Variants in KDM4C observed in about 807,000 individuals in gnomAD.
KDM4C encodes lysine demethylase 4C.
Under a neutral mutation model 129.3 loss-of-function variants are expected in KDM4C, and 81 were observed. That is an observed-to-expected ratio of 0.63 (90% CI 0.52 to 0.75). The LOEUF (loss-of-function observed/expected upper bound fraction) is 0.75. Ranked by LOEUF, KDM4C falls within the 30% of genes least tolerant of loss-of-function variation. The pLI is 0.00. For missense variants in KDM4C, 1,457 were observed against 1,304.0 expected (o/e 1.12, Z -1.81); for synonymous variants, 573 against 456.1 (o/e 1.26, Z -3.26).
intron 6 of KDM4C, among the ~76,000 whole-genome samples, chr9:6,883,143 C>G (rs1320357592): frequency 6.6e-6 from 1 of 152,158 alleles, no homozygotes; most frequent in Admixed American, 6.5e-5. Flanking sequence ...TTAACCTGCT[C>G]TCATACCTCT....
intron 8 of KDM4C, among the ~76,000 whole-genome samples, chr9:6,960,347 A>G (rs993247925): frequency 1.1e-4 from 17 of 149,298 alleles, no homozygotes; most frequent in Admixed American, 7.4e-4. Context: ...TGGCATAATC[A>G]TAGCTCACTG....
chr9:6,792,640 G>A (rs1243014512), intron 1 of KDM4C, among the ~76,000 whole-genome samples: 1 of 152,038 alleles, frequency 6.6e-6, no homozygotes, highest in Non-Finnish European at 1.5e-5. Flanking sequence ...GCCCGTCTTG[G>A]CCCCCCAAAG....
intron 19 of KDM4C, among the ~76,000 whole-genome samples, chr9:7,160,335 A>C (rs1843651953): frequency 2.6e-5 from 4 of 151,952 alleles, no homozygotes; most frequent in Admixed American, 6.5e-5. Flanking sequence ...TATTCTGTCA[A>C]CTCGTCAAAG....
intron 7 of KDM4C, among the ~76,000 whole-genome samples, chr9:6,889,158 G>A (rs1053556593): frequency 6.9e-6 from 1 of 144,990 alleles, no homozygotes; most frequent in African/African-American, 2.6e-5. Flanking sequence ...CTTTTTGCTT[G>A]TGACTAAATC....
chr9:6,995,677 A>T (rs900414234), intron 12 of KDM4C, among the ~76,000 whole-genome samples: 10 of 147,950 alleles, frequency 6.8e-5, no homozygotes, highest in Non-Finnish European at 1.2e-4. Context: ...CAGGTTTTAA[A>T]TTTTTTTTTT....
intron 4 of KDM4C, chr9:6,834,779 C>T (rs914669374): frequency 2.4e-6 from 3 of 1,260,494 alleles, no homozygotes; most frequent in East Asian, 4.6e-5. Flanking sequence ...GACCGAGGCC[C>T]CCCTGAACCC....
At chr9:7,007,042 C>T (rs959537560) in intron 12 of KDM4C, among the ~76,000 whole-genome samples, 5 of 152,204 alleles carry the variant, frequency 3.3e-5, no homozygotes, top group African/African-American at 1.2e-4. Flanking sequence ...TTCTTCAGTA[C>T]ATTGATCCAA....
intron 20 of KDM4C, among the ~76,000 whole-genome samples, chr9:7,165,822 A>G (rs1476059256): frequency 6.6e-6 from 1 of 152,214 alleles, no homozygotes; most frequent in Non-Finnish European, 1.5e-5. Context: ...AGATGTGGCC[A>G]GTTAATGTCA....
At chr9:7,069,762 A>G (rs1279313157) in intron 17 of KDM4C, among the ~76,000 whole-genome samples, 1 of 152,198 alleles carries the variant, frequency 6.6e-6, no homozygotes, top group Non-Finnish European at 1.5e-5. Flanking sequence ...CTAAATGGGT[A>G]AAGGGAAGGT....
intron 5 of KDM4C, among the ~76,000 whole-genome samples, chr9:6,866,919 A>ATATG (rs1166107384): frequency 1.4e-5 from 2 of 147,186 alleles, no homozygotes; most frequent in Non-Finnish European, 3.0e-5. Flanking sequence ...ATATATATAT[A>ATATG]TATAGAAAAA....
intron 21 of KDM4C, 24 bp from the exon 22 acceptor site, chr9:7,174,529 C>A (rs1325460789): frequency 6.2e-7 from 1 of 1,610,890 alleles, no homozygotes. Flanking sequence ...TGCCCTTTTG[C>A]AATATAACAC....
At chr9:7,067,192 G>A (rs1201135969) in intron 17 of KDM4C, among the ~76,000 whole-genome samples, 1 of 152,180 alleles carries the variant, frequency 6.6e-6, no homozygotes, top group African/African-American at 2.4e-5. Flanking sequence ...CTTAGTGATA[G>A]CCTTTGAACT....
intron 17 of KDM4C, among the ~76,000 whole-genome samples, chr9:7,085,298 AC>A (rs1834984127): frequency 6.6e-6 from 1 of 152,200 alleles, no homozygotes; most frequent in Non-Finnish European, 1.5e-5. Context: ...CATCTCTAAA[AC>A]AAATGATTTT....
At chr9:7,056,453 G>A (rs1384776697) in intron 17 of KDM4C, among the ~76,000 whole-genome samples, 1 of 152,106 alleles carries the variant, frequency 6.6e-6, no homozygotes, top group Non-Finnish European at 1.5e-5. Flanking sequence ...GTATATTGCT[G>A]TAATACCAAA....
At chr9:6,998,548 C>T (rs1417422320) in intron 12 of KDM4C, among the ~76,000 whole-genome samples, 1 of 152,172 alleles carries the variant, frequency 6.6e-6, no homozygotes, top group Non-Finnish European at 1.5e-5. Context: ...GTAATCCCAG[C>T]ACTTTGGGAG....
At chr9:6,904,166 G>A (rs1817887304) in intron 8 of KDM4C, among the ~76,000 whole-genome samples, 1 of 152,040 alleles carries the variant, frequency 6.6e-6, no homozygotes, top group African/African-American at 2.4e-5. Context: ...TTGAATTTGG[G>A]AGGCAGAGGT....
chr9:6,961,121 A>G (rs1335407665), intron 8 of KDM4C, among the ~76,000 whole-genome samples: 1 of 152,224 alleles, frequency 6.6e-6, no homozygotes, highest in African/African-American at 2.4e-5. Context: ...ATATTATGTC[A>G]GCATTGTGAG....
At chr9:6,912,787 C>T (rs1422759976) in intron 8 of KDM4C, among the ~76,000 whole-genome samples, 5 of 152,074 alleles carry the variant, frequency 3.3e-5, no homozygotes, top group South Asian at 2.1e-4. Flanking sequence ...TGGTTGCTCC[C>T]GGAGATGTGT....
chr9:6,785,832 G>A (rs770198252), intron 1 of KDM4C, among the ~76,000 whole-genome samples: 7 of 152,254 alleles, frequency 4.6e-5, no homozygotes, highest in Non-Finnish European at 8.8e-5. Flanking sequence ...AGCCAAAGCA[G>A]TGTGCAGAGC....
Sources: gnomAD v4.1 joint callset for allele counts (sites outside exome capture counted in the v4.1 genomes callset) on GRCh38, gnomAD v4.1.1 for gene constraint, MANE v1.5 for transcripts, NCBI Gene and HGNC (gene_info 2026-07-23, HGNC 2026-07-21) for gene names.